MRC2: variants seen among roughly 807,000 people sequenced by gnomAD.
MRC2 encodes the protein mannose receptor C-type 2.
A neutral mutation model predicts 206.2 loss-of-function variants in MRC2; 84 were observed. That is an observed-to-expected ratio of 0.41 (90% CI 0.34 to 0.49). The LOEUF is 0.49. Among genes scored for constraint, MRC2 ranks in the 20% least tolerant of loss-of-function variants. The pLI is 0.31. For missense variants in MRC2, 1,676 were observed against 2,001.5 expected, an observed-to-expected ratio of 0.84 and a Z score of 3.10; for synonymous variants, 798 against 800.0, an observed-to-expected ratio of 1.00 and a Z score of 0.04.
intron 20 of MRC2, among the ~76,000 whole-genome samples, chr17:62,684,543 G>A (rs966651085): frequency 6.6e-5 from 10 of 152,086 alleles, no homozygotes; most frequent in South Asian, 2.1e-4. Context: ...CCCCACAGTC[G>A]TTATTTTTCC....
At chr17:62,688,729 C>T in intron 22 of MRC2, 65 bp downstream of exon 22, 2 of 1,595,788 alleles carry the variant, frequency 1.3e-6, no homozygotes, top group African/African-American at 1.3e-5. Context: ...CTGCCTTTGC[C>T]CCAGCATCTC....
At chr17:62,634,444 G>A (rs914385545) in intron 1 of MRC2, among the ~76,000 whole-genome samples, 1 of 152,134 alleles carries the variant, frequency 6.6e-6, no homozygotes, top group African/African-American at 2.4e-5. Context: ...GGGACTGTAG[G>A]CATGTGCCAC....
intron 20 of MRC2, among the ~76,000 whole-genome samples, chr17:62,685,358 C>G (rs2089019974): frequency 6.6e-6 from 1 of 152,122 alleles, no homozygotes; most frequent in Non-Finnish European, 1.5e-5. Flanking sequence ...ATTTCCTACC[C>G]AACTCTTCTT....
chr17:62,661,547 T>C (rs2088680724), intron 1 of MRC2: 1 of 149,576 alleles, frequency 6.7e-6, no homozygotes, highest in Non-Finnish European at 1.5e-5. Flanking sequence ...TTTCTTTCTT[T>C]CTCTTTCTTT....
chr17:62,684,125 T>G (rs929373852), intron 20 of MRC2: 1 of 152,242 alleles, frequency 6.6e-6, no homozygotes, highest in Non-Finnish European at 1.5e-5. Flanking sequence ...TGACACTTTA[T>G]GACTCATGAC....
chr17:62,683,563 C>T lies in MRC2; in HGVS notation c.2946+1186C>T, dbSNP rs1465478863. Among the ~76,000 whole-genome samples the T allele has an allele frequency of 2.3e-5, 3 of 129,350 alleles. No homozygotes were observed. In the Admixed American group the frequency reaches 2.5e-4, roughly 11 times the overall value. The allele number at this position is 129,350 out of a possible 152,430, so 84.9% of individuals were successfully genotyped here. On this transcript the variant is annotated intron_variant, in intron 20 of 29. Coordinates refer to ENST00000303375, the MANE Select transcript of MRC2 (RefSeq NM_006039.5). ...TGGTATGAAAACATTTTTTTGTGCT[C>T]ACTCAAAAGTGATTAATTGGCTGGG...
Position 62,688,301 on chromosome 17 carries a change from C to G in MRC2, c.2959C>G (p.Gln987Glu), listed in dbSNP as rs1240193240. 2 of 1,614,078 alleles carry G rather than the reference C, an allele frequency of 1.2e-6. No homozygotes were observed. Among genetic ancestry groups the G allele is most frequent in the South Asian group, 1.1e-5 (1 of 91,084 alleles). ...IQFLNKCFQV[Q>E]GQEPQSRVKW... Reference sequence around the variant, plus strand: ...CTCTGCCCCACAGTGTTTTCAGGTCCAGGGCCAGGAACCCCAGAGCCGGGT... The same window carrying G: ...CTCTGCCCCACAGTGTTTTCAGGTCGAGGGCCAGGAACCCCAGAGCCGGGT... Residue 987 changes from glutamine (Q) to glutamate (E), a missense_variant, in exon 21 of 30, where the codon CAG becomes GAG. Gln to Glu is a conservative substitution (Grantham distance 29). Around this residue, in one of 3 missense-constraint regions of MRC2, gnomAD observed 1,354 missense variants for 1,636.6 expected, o/e 0.83. Coordinates refer to ENST00000303375, the MANE Select transcript of MRC2 (RefSeq NM_006039.5).
chr17:62,628,004 T>A, intron 1 of MRC2, 84 bp downstream of exon 1: 1 of 895,812 alleles, frequency 1.1e-6, no homozygotes, highest in Non-Finnish European at 1.5e-6. Context: ...TTTCCCTCCT[T>A]TTCCCCCCTC....
rs2088906891 is a variant in MRC2, at chr17:62,677,385, C to T, written c.1951C>T (p.Pro651Ser). Residue 651 changes from proline (P) to serine (S), a missense_variant, in exon 12 of 30, where the codon CCA becomes TCA. Pro to Ser is a moderately conservative substitution (Grantham distance 74). Around this residue, in one of 3 missense-constraint regions of MRC2, gnomAD observed 1,354 missense variants for 1,636.6 expected, o/e 0.83. Transcript: ENST00000303375. Reference sequence around the variant, plus strand: ...CATCTGCCGGCAGAGCCTGGGCACTCCAGTGACGCCGGAGCTGCCGGGGCC... The same window carrying T: ...CATCTGCCGGCAGAGCCTGGGCACTTCAGTGACGCCGGAGCTGCCGGGGCC... ...RYICRQSLGT[P>S]VTPELPGPDP... is the part of the protein sequence containing the mutation. The T allele has an allele frequency of 1.2e-6, 2 of 1,610,748 alleles. No homozygotes were observed. Among genetic ancestry groups the T allele is most frequent in the Non-Finnish European group, 1.7e-6 (2 of 1,179,152 alleles).
chr17:62,674,256 C>G, intron 9 of MRC2, 86 bp downstream of exon 9: 2 of 970,094 alleles, frequency 2.1e-6, no homozygotes, highest in South Asian at 3.2e-5. Context: ...ACTCCTGCTG[C>G]CTCGCATGGC....
chr17:62,632,124 G>A (rs956328967), intron 1 of MRC2, among the ~76,000 whole-genome samples: 3 of 152,056 alleles, frequency 2.0e-5, no homozygotes, highest in Non-Finnish European at 4.4e-5. Context: ...GGGCCCTGCA[G>A]ATCTGTCACT....
At chr17:62,688,752 C>A in intron 22 of MRC2, 88 bp downstream of exon 22, 1 of 1,590,632 alleles carries the variant, frequency 6.3e-7, no homozygotes, top group Non-Finnish European at 8.6e-7. Context: ...GCCCCAGGGT[C>A]TCCCTTCTTC....
chr17:62,660,925 GA>G (rs2088672081), intron 1 of MRC2, among the ~76,000 whole-genome samples: 1 of 152,108 alleles, frequency 6.6e-6, no homozygotes, highest in South Asian at 2.1e-4. Flanking sequence ...CCCAGATGGT[GA>G]AAAAAATCAG....
chr17:62,638,341 G>A (rs546157695), intron 1 of MRC2, among the ~76,000 whole-genome samples: 8 of 152,100 alleles, frequency 5.3e-5, no homozygotes, highest in African/African-American at 1.9e-4. Context: ...AAAGTCCAAT[G>A]TACTAGAAAA....
Position 62,667,642 on chromosome 17 carries a change from G to A in MRC2, c.1117+109G>A. ...TCCTCCGGTTACCACCACAGCACAA[G>A]GGGACTCTGGATCCTCTGACTCTTA... is the stretch of plus-strand genomic sequence containing the variant. On this transcript the variant is annotated intron_variant, in intron 6 of 29. Coordinates refer to ENST00000303375, the MANE Select transcript of MRC2 (RefSeq NM_006039.5). The surrounding 1 kb of genome is among the most constrained non-coding windows in gnomAD (Gnocchi z 4.1). 8.1e-7 allele frequency: 1 copy of A among 1,229,106 alleles called. No individual in the cohort carries two copies. Among genetic ancestry groups the A allele is most frequent in the Non-Finnish European group, 1.1e-6 (1 of 908,504 alleles). 76.1% of individuals were successfully genotyped at this position (1,229,106 alleles called of 1,614,324 possible).
intron 23 of MRC2, among the ~76,000 whole-genome samples, chr17:62,689,169 C>T (rs1029267183): frequency 3.3e-5 from 5 of 152,016 alleles, no homozygotes; most frequent in Admixed American, 6.6e-5. Flanking sequence ...ATGGAGGGCT[C>T]GTTGGGTCGG....
intron 1 of MRC2, among the ~76,000 whole-genome samples, chr17:62,642,114 A>G (rs1000914142): frequency 6.6e-5 from 10 of 152,224 alleles, no homozygotes; most frequent in Non-Finnish European, 1.0e-4. Flanking sequence ...ATTTGTCCCA[A>G]TAATGTCCTT....
At position 62,680,345 on chromosome 17, in the gene MRC2, C is replaced by G. The variant is rs944676590; in HGVS notation, c.2437+37C>G. The G allele has an allele frequency of 1.2e-6, 2 of 1,613,574 alleles. No homozygotes were observed. The highest frequency in any genetic ancestry group is 1.7e-6 in the Non-Finnish European group (2 of 1,179,700). On this transcript the variant is annotated intron_variant, in intron 15 of 29. Coordinates refer to ENST00000303375, the MANE Select transcript of MRC2 (RefSeq NM_006039.5). The surrounding 1 kb of genome is among the most constrained non-coding windows in gnomAD (Gnocchi z 4.8). ...TGGCGCTGGGGGACGCGGGATGGAG[C>G]GAAGGGTGGCGGGGCCAGGAATTCC...
At chr17:62,660,576 T>A (rs557434759) in intron 1 of MRC2, among the ~76,000 whole-genome samples, 2 of 152,288 alleles carry the variant, frequency 1.3e-5, no homozygotes, top group South Asian at 4.1e-4. Context: ...TATGATTAAA[T>A]CCAAGGTTAA....
Sources: allele counts gnomAD v4.1 joint callset (sites outside exome capture counted in the v4.1 genomes callset), GRCh38; gene constraint gnomAD v4.1.1; regional missense constraint gnomAD v4.1.1; non-coding constraint Gnocchi (gnomAD v3.1); transcripts MANE v1.5; gene names NCBI Gene and HGNC (gene_info 2026-07-23, HGNC 2026-07-21).